The following CTNNA2 variants were observed in gnomAD, a reference collection of about 807,000 sequenced individuals.
CTNNA2 encodes the protein catenin alpha-2.
A neutral mutation model predicts 101.0 loss-of-function variants in CTNNA2; 42 were observed. The observed-to-expected ratio is 0.42, with a 90% confidence interval of 0.32 to 0.54. The LOEUF (loss-of-function observed/expected upper bound fraction) is 0.54. CTNNA2 is among the 20% of genes least tolerant of loss of function. The pLI is 0.14. For missense variants in CTNNA2, 871 were observed against 1,223.1 expected, an observed-to-expected ratio of 0.71 and a Z score of 4.29; for synonymous variants, 450 against 456.4, an observed-to-expected ratio of 0.99 and a Z score of 0.18.
intron 2 of CTNNA2, among the ~76,000 whole-genome samples, chr2:79,272,705 C>A (rs1370987980): frequency 3.3e-5 from 5 of 151,994 alleles, no homozygotes; most frequent in African/African-American, 1.2e-4. Context: ...GTTTAAACAG[C>A]AATAATTACA....
At chr2:79,946,676 A>G (rs1688513372) in intron 7 of CTNNA2, among the ~76,000 whole-genome samples, 1 of 152,206 alleles carries the variant, frequency 6.6e-6, no homozygotes, top group Non-Finnish European at 1.5e-5. Context: ...AACAAGCTGA[A>G]GATATGTCAG....
At chr2:79,909,858 C>G (rs1574287908) in intron 7 of CTNNA2, 61 bp downstream of exon 7, 3 of 1,478,728 alleles carry the variant, frequency 2.0e-6, no homozygotes, top group African/African-American at 1.4e-5. Flanking sequence ...TCGTGTTGCT[C>G]TTTTGGAAGC....
chr2:79,796,818 G>T (rs1004186697), intron 3 of CTNNA2, among the ~76,000 whole-genome samples: 3 of 152,190 alleles, frequency 2.0e-5, no homozygotes, highest in Non-Finnish European at 4.4e-5. Context: ...CTAAAAAGAT[G>T]CAATCCACCC....
intron 4 of CTNNA2, among the ~76,000 whole-genome samples, chr2:79,382,476 A>G (rs1678050236): frequency 6.6e-6 from 1 of 152,324 alleles, no homozygotes; most frequent in East Asian, 1.9e-4. Flanking sequence ...CCAAAAAAGA[A>G]GAAGGTTTCC....
intron 7 of CTNNA2, among the ~76,000 whole-genome samples, chr2:80,227,471 G>A (rs554678199): frequency 3.3e-5 from 5 of 152,258 alleles, no homozygotes; most frequent in African/African-American, 9.6e-5. Flanking sequence ...TACAATCCAC[G>A]CCCAGCCCTT....
At chr2:79,396,811 A>AT (rs1678237264) in intron 4 of CTNNA2, among the ~76,000 whole-genome samples, 1 of 152,164 alleles carries the variant, frequency 6.6e-6, no homozygotes, top group Non-Finnish European at 1.5e-5. Context: ...AGCCATTAAA[A>AT]TTGGGCAAAA....
At chr2:79,581,939 G>T (rs1676172617) in intron 1 of CTNNA2, among the ~76,000 whole-genome samples, 2 of 152,302 alleles carry the variant, frequency 1.3e-5, no homozygotes, top group South Asian at 2.1e-4. Flanking sequence ...TGCAAATACA[G>T]AACTGAAAAA....
chr2:80,606,992 T>C (rs1317526125), intron 16 of CTNNA2, among the ~76,000 whole-genome samples: 2 of 151,960 alleles, frequency 1.3e-5, no homozygotes, highest in African/African-American at 4.8e-5. Context: ...CTCTGTGGAA[T>C]TCTTTCTTGA....
intron 7 of CTNNA2, among the ~76,000 whole-genome samples, chr2:80,172,592 G>A (rs1705134957): frequency 6.6e-6 from 1 of 152,222 alleles, no homozygotes; most frequent in Admixed American, 6.5e-5. Context: ...TCCTAGAGCT[G>A]CCATAACAGC....
chr2:79,651,693 G>T (rs780303654), intron 2 of CTNNA2, 35 bp downstream of exon 2: 8 of 1,549,584 alleles, frequency 5.2e-6, no homozygotes, highest in Middle Eastern at 1.7e-4. Flanking sequence ...TGTTATATAT[G>T]TGTTTCTATT....
At chr2:80,228,368 G>T (rs974555055) in intron 7 of CTNNA2, among the ~76,000 whole-genome samples, 3 of 152,026 alleles carry the variant, frequency 2.0e-5, no homozygotes, top group African/African-American at 4.8e-5. Context: ...GAGTGAACAA[G>T]CTCCCTCAGG....
At chr2:79,935,564 C>G (rs2104438034) in intron 7 of CTNNA2, among the ~76,000 whole-genome samples, 1 of 152,100 alleles carries the variant, frequency 6.6e-6, no homozygotes, top group Middle Eastern at 3.4e-3. Flanking sequence ...CATGATCAGC[C>G]CAGTCTGGCT....
chr2:79,899,779 G>A (rs553636859), intron 6 of CTNNA2, among the ~76,000 whole-genome samples: 1 of 152,202 alleles, frequency 6.6e-6, no homozygotes, highest in Non-Finnish European at 1.5e-5. Context: ...AAAAATTAAG[G>A]CAAATCTAAA....
rs1312891158 is a variant in CTNNA2 at position 79,623,957 on chromosome 2, A to G, written c.-5-27595A>G. ...TAACTTGACTTAAATCATTTGCGAA[A>G]GAATTCTTGAGTCATATGGAAGACA... On this transcript the variant is annotated intron_variant, in intron 1 of 18. Coordinates refer to ENST00000402739, the MANE Select transcript of CTNNA2 (RefSeq NM_001282597.3). 3.3e-5 allele frequency among the ~76,000 whole-genome samples: 5 copies of G among 152,140 alleles called. No individual in the cohort carries two copies. The East Asian group carries it at 9.6e-4, about 29-fold the overall frequency.
At chr2:80,295,739 C>G (rs762139637) in intron 7 of CTNNA2, among the ~76,000 whole-genome samples, 1 of 152,200 alleles carries the variant, frequency 6.6e-6, no homozygotes, top group Non-Finnish European at 1.5e-5. Context: ...AGTACTATGT[C>G]TAAAGATGAT....
At chr2:79,233,547 T>C (rs947203956) in intron 2 of CTNNA2, among the ~76,000 whole-genome samples, 3 of 152,174 alleles carry the variant, frequency 2.0e-5, no homozygotes, top group African/African-American at 7.2e-5. Context: ...GGTGAAGTAC[T>C]CTCTAGATGT....
chr2:80,252,114 T>A (rs75478582), intron 7 of CTNNA2, among the ~76,000 whole-genome samples: 8,923 of 152,272 alleles, frequency 0.059, 439 homozygotes, highest in South Asian at 0.29. Context: ...TAAAACATCC[T>A]ATTAGATATT....
At chr2:79,228,535 G>A (rs763215914) in intron 2 of CTNNA2, among the ~76,000 whole-genome samples, 1 of 152,092 alleles carries the variant, frequency 6.6e-6, no homozygotes, top group Non-Finnish European at 1.5e-5. Flanking sequence ...ATGTTTCTTG[G>A]CCACTTGTGT....
At position 80,379,329 on chromosome 2, in the gene CTNNA2, A is replaced by T. The variant is rs190420337; in HGVS notation, c.1057-13882A>T. Among the ~76,000 whole-genome samples the T allele has an allele frequency of 2.8e-3, 424 of 152,324 alleles. 2 individuals are homozygous for T. Among genetic ancestry groups the T allele is most frequent in the Middle Eastern group, 0.017 (5 of 294 alleles). On this transcript the variant is annotated intron_variant, in intron 7 of 18. Coordinates refer to ENST00000402739, the MANE Select transcript of CTNNA2 (RefSeq NM_001282597.3). ...GATGTCTACAGGTGGATATGACAAT[A>T]ACAGTCAAAGAATTTGGGAAGCTGG...
Sources: allele counts gnomAD v4.1 joint callset (sites outside exome capture counted in the v4.1 genomes callset), GRCh38; gene constraint gnomAD v4.1.1; transcripts MANE v1.5; gene names NCBI Gene and HGNC (gene_info 2026-07-23, HGNC 2026-07-21).